Variants in ARID5B observed in about 807,000 individuals in gnomAD.
The protein encoded by ARID5B is AT-rich interactive domain-containing protein 5B.
ARID5B carries 13 observed loss-of-function variants against 97.2 expected under a neutral mutation model. That is an observed-to-expected ratio of 0.13 (90% CI 0.09 to 0.21). The LOEUF (loss-of-function observed/expected upper bound fraction) is 0.21, where lower values mean the gene tolerates loss of function less well. Among genes scored for constraint, ARID5B ranks in the 10% least tolerant of loss-of-function variants. ARID5B has a pLI of 1.00. For synonymous variants in ARID5B, 556 were observed against 570.3 expected, an observed-to-expected ratio of 0.97 and a Z score of 0.36; for missense variants, 1,210 against 1,465.3, an observed-to-expected ratio of 0.83 and a Z score of 2.84.
At chr10:61,936,862 AAG>A (rs1284156231) in intron 2 of ARID5B, among the ~76,000 whole-genome samples, 6 of 135,194 alleles carry the variant, frequency 4.4e-5, no homozygotes, top group Non-Finnish European at 6.4e-5. Flanking sequence ...AAAAAAAAAA[AAG>A]AAAGAAAAAA....
At position 62,091,698 on chromosome 10, in the gene ARID5B, G is replaced by C. The variant is rs535896705; in HGVS notation, c.2235G>C (p.Ala745=). Residue 745 remains alanine, a synonymous_variant, in exon 10 of 10, where the codon GCG becomes GCC. Transcript: ENST00000279873. ...ATGGCCAAAGCACTGACCATATGGC[G>C]GTCAGCCGGCCATCAGTGATTCAGC... The part of the protein sequence containing the change: ...THHGQSTDHM[A]VSRPSVIQHV... 2 of 1,614,104 alleles carry C rather than the reference G, an allele frequency of 1.2e-6. No homozygotes were observed. The highest frequency in any genetic ancestry group is 1.7e-6 in the Non-Finnish European group (2 of 1,180,034).
chr10:62,095,102 A>G lies in ARID5B; in HGVS notation c.*2072A>G, dbSNP rs566395607. 1 of 200,356 alleles carries G rather than the reference A, an allele frequency of 5.0e-6. No individual in the cohort carries two copies. Among genetic ancestry groups the G allele is most frequent in the Non-Finnish European group, 1.0e-5 (1 of 98,614 alleles). The allele number at this position is 200,356 out of a possible 1,614,324, so 12.4% of individuals were successfully genotyped here. A position where few individuals can be genotyped will look rare whatever the true frequency, so the allele number is the denominator to read the frequency against. Reference sequence around the variant, plus strand: ...TTAATTATTTACCTTCCTGTGGAATAATATATATATATATATTTAATAGAA... The same window carrying G: ...TTAATTATTTACCTTCCTGTGGAATGATATATATATATATATTTAATAGAA... On this transcript the variant is annotated 3_prime_UTR_variant, in exon 10 of 10. Coordinates refer to ENST00000279873, the MANE Select transcript of ARID5B (RefSeq NM_032199.3).
Position 62,094,344 on chromosome 10 carries a change from G to T in ARID5B, c.*1314G>T. On this transcript the variant is annotated 3_prime_UTR_variant, in exon 10 of 10. Coordinates refer to ENST00000279873, the MANE Select transcript of ARID5B (RefSeq NM_032199.3). Reference sequence around the variant, plus strand: ...TAAGTAGTCATGTTGTTTTCATCCAGTTGGTTTCTTGTCATTCCCAAGAAG... The same window carrying T: ...TAAGTAGTCATGTTGTTTTCATCCATTTGGTTTCTTGTCATTCCCAAGAAG... 1 of 230,392 alleles carries T rather than the reference G, an allele frequency of 4.3e-6. No homozygotes were observed. The highest frequency in any genetic ancestry group is 8.6e-6 in the Non-Finnish European group (1 of 116,234). 14.3% of individuals were successfully genotyped at this position (230,392 alleles called of 1,614,324 possible).
At chr10:61,952,117 A>C (rs183129734) in intron 3 of ARID5B, among the ~76,000 whole-genome samples, 6 of 152,102 alleles carry the variant, frequency 3.9e-5, no homozygotes, top group Non-Finnish European at 7.4e-5. Flanking sequence ...TCCTCTCCTA[A>C]ACCTTCTTTG....
chr10:61,981,402 C>T (rs1838775279), intron 3 of ARID5B, among the ~76,000 whole-genome samples: 2 of 152,144 alleles, frequency 1.3e-5, no homozygotes. Context: ...CTGCCTCACC[C>T]TCCCAAGTAG....
chr10:61,945,519 C>A (rs185278062), intron 3 of ARID5B, among the ~76,000 whole-genome samples: 360 of 152,210 alleles, frequency 2.4e-3, no homozygotes, highest in African/African-American at 8.0e-3. Flanking sequence ...ATTAAAGAGT[C>A]TTTGGAAGGT....
intron 4 of ARID5B, among the ~76,000 whole-genome samples, chr10:62,028,956 CAAAA>C (rs60831618): frequency 0.1 from 9,578 of 95,344 alleles, 511 homozygotes; most frequent in Admixed American, 0.26. Context: ...GACTCTGTCT[CAAAA>C]AAAAAAAAAA....
At chr10:62,059,812 C>T (rs977573649) in intron 7 of ARID5B, among the ~76,000 whole-genome samples, 1 of 152,148 alleles carries the variant, frequency 6.6e-6, no homozygotes, top group Non-Finnish European at 1.5e-5. Context: ...TCGGAACAGG[C>T]TCTGACACTC....
At chr10:61,943,444 GA>G (rs1844447335) in intron 3 of ARID5B, among the ~76,000 whole-genome samples, 1 of 150,890 alleles carries the variant, frequency 6.6e-6, no homozygotes, top group East Asian at 2.0e-4. Flanking sequence ...ACCAAAGAAA[GA>G]AGATGAACTG....
At chr10:61,956,659 T>G (rs1483164189) in intron 3 of ARID5B, among the ~76,000 whole-genome samples, 1 of 152,202 alleles carries the variant, frequency 6.6e-6, no homozygotes, top group Non-Finnish European at 1.5e-5. Flanking sequence ...TGATTTCTAG[T>G]TCCTTCACCT....
chr10:61,921,060 A>G (rs76644164), intron 2 of ARID5B, among the ~76,000 whole-genome samples: 12 of 151,582 alleles, frequency 7.9e-5, no homozygotes, highest in Non-Finnish European at 1.6e-4. Flanking sequence ...GCAGAAAATT[A>G]TCTAATTTCT....
At position 61,953,265 on chromosome 10, in the gene ARID5B, A is replaced by G. The variant is rs1401636121; in HGVS notation, c.502+12857A>G. Among the ~76,000 whole-genome samples, 5 of 152,284 alleles carry G rather than the reference A, an allele frequency of 3.3e-5. No homozygotes were observed. The South Asian group carries it at 8.3e-4, about 25-fold the overall frequency. On this transcript the variant is annotated intron_variant, in intron 3 of 9. Coordinates refer to ENST00000279873, the MANE Select transcript of ARID5B (RefSeq NM_032199.3). ...GCTTCATGCCTGGCCTATTCTCTCA[A>G]TAGGAAATAAAACATTGTTTTCATA... is the stretch of plus-strand genomic sequence containing the variant.
intron 3 of ARID5B, among the ~76,000 whole-genome samples, chr10:61,967,706 G>A (rs1322454710): frequency 2.0e-5 from 3 of 152,192 alleles, no homozygotes; most frequent in Non-Finnish European, 2.9e-5. Context: ...TGTTTTGCTA[G>A]AATGTAGACA....
chr10:61,961,492 G>A (rs1057307201), intron 3 of ARID5B, among the ~76,000 whole-genome samples: 11 of 152,156 alleles, frequency 7.2e-5, no homozygotes, highest in Non-Finnish European at 1.2e-4. Flanking sequence ...AACCGGTTGC[G>A]CTGAATTAAT....
At chr10:62,039,014 T>G (rs7898563) in intron 4 of ARID5B, among the ~76,000 whole-genome samples, 3,524 of 152,326 alleles carry the variant, frequency 0.023, 125 homozygotes, top group African/African-American at 0.081. Context: ...AGGGAAAATA[T>G]AGACAGACTG....
intron 7 of ARID5B, among the ~76,000 whole-genome samples, chr10:62,068,367 G>A (rs1840019904): frequency 6.6e-6 from 1 of 152,082 alleles, no homozygotes. Flanking sequence ...AGCTAACATT[G>A]TCTCGAGGTC....
chr10:62,058,703 TG>T (rs1200396824), intron 6 of ARID5B, among the ~76,000 whole-genome samples: 3 of 152,214 alleles, frequency 2.0e-5, no homozygotes, highest in Admixed American at 2.0e-4. Context: ...GTGAAATATT[TG>T]TTTTCCTACT....
intron 3 of ARID5B, among the ~76,000 whole-genome samples, chr10:61,976,821 C>T (rs1223963092): frequency 6.6e-6 from 1 of 151,574 alleles, no homozygotes; most frequent in Non-Finnish European, 1.5e-5. Context: ...TTGAGTTATC[C>T]AAATTCATTT....
In ARID5B at chr10:61,962,094, G is replaced by A. The variant is rs376139170; in HGVS notation, c.502+21686G>A. Among the ~76,000 whole-genome samples, 58 of 152,122 alleles carry A rather than the reference G, an allele frequency of 3.8e-4. 2 individuals carry two copies. Among genetic ancestry groups the A allele is most frequent in the East Asian group, 1.2e-3 (6 of 5,186 alleles). ...CAGATCTTAGCAGGGTGAGGGAAAC[G>A]GTAATTGTTATTACTACCAACTGGC... is the stretch of plus-strand genomic sequence containing the variant. On this transcript the variant is annotated intron_variant, in intron 3 of 9. Coordinates refer to ENST00000279873, the MANE Select transcript of ARID5B (RefSeq NM_032199.3).
Sources: gnomAD v4.1 joint callset for allele counts (sites outside exome capture counted in the v4.1 genomes callset) on GRCh38, gnomAD v4.1.1 for gene constraint, MANE v1.5 for transcripts, NCBI Gene and HGNC (gene_info 2026-07-23, HGNC 2026-07-21) for gene names.